IL2RB: variants seen among roughly 807,000 people sequenced by gnomAD.
IL2RB encodes interleukin 2 receptor subunit beta.
A neutral mutation model predicts 44.2 loss-of-function variants in IL2RB; 17 were observed. The observed-to-expected ratio is 0.38, with a 90% CI of 0.26 to 0.58. The LOEUF (loss-of-function observed/expected upper bound fraction) is 0.58. Among genes scored for constraint, IL2RB ranks in the 20% least tolerant of loss-of-function variants. The probability of loss-of-function intolerance (pLI) is 0.63; values close to 1 mark genes in which losing one functional copy is unlikely to be tolerated. For synonymous variants in IL2RB, 286 were observed against 297.9 expected (o/e 0.96, Z 0.41); for missense variants, 624 against 685.5 (o/e 0.91, Z 1.00).
intron 1 of IL2RB, among the ~76,000 whole-genome samples, chr22:37,170,433 G>A (rs1923241213): frequency 6.6e-6 from 1 of 151,884 alleles, no homozygotes; most frequent in African/African-American, 2.4e-5. Context: ...AGCAGCGGGG[G>A]CAGACTCTGC....
intron 1 of IL2RB, among the ~76,000 whole-genome samples, chr22:37,159,150 G>A (rs1311938321): frequency 6.6e-6 from 1 of 152,176 alleles, no homozygotes; most frequent in Non-Finnish European, 1.5e-5. Flanking sequence ...GACAATCTAG[G>A]TGTTGCTGTG....
At chr22:37,174,994 A>C (rs954048681) in exon 1 of IL2RB, 3 of 152,414 alleles carry the variant, frequency 2.0e-5, no homozygotes, top group African/African-American at 7.2e-5. Flanking sequence ...GGAAACTTAC[A>C]ATCGTGGTGG....
At chr22:37,134,185 A>C (rs980968853) in intron 8 of IL2RB, among the ~76,000 whole-genome samples, 2 of 152,250 alleles carry the variant, frequency 1.3e-5, no homozygotes, top group Non-Finnish European at 2.9e-5. Flanking sequence ...AAATTTTTAA[A>C]ATACAGCATA....
At chr22:37,138,000 T>C (rs979733184) in intron 5 of IL2RB, among the ~76,000 whole-genome samples, 14 of 152,114 alleles carry the variant, frequency 9.2e-5, no homozygotes, top group Non-Finnish European at 1.9e-4. Context: ...CTACGAAATA[T>C]ATGGTTTGGT....
intron 3 of IL2RB, 62 bp downstream of exon 3, chr22:37,143,459 A>G (rs1922063196): frequency 8.9e-7 from 1 of 1,128,460 alleles, no homozygotes; most frequent in South Asian, 1.3e-5. Flanking sequence ...AGTCCAGTGC[A>G]TAGGATCCAG....
At chr22:37,136,709 T>A (rs1334731312) in intron 6 of IL2RB, among the ~76,000 whole-genome samples, 3 of 151,932 alleles carry the variant, frequency 2.0e-5, no homozygotes, top group African/African-American at 7.3e-5. Context: ...CTGCAGCTGG[T>A]CTCTGGTTCC....
At chr22:37,169,931 C>T (rs1459525030) in intron 1 of IL2RB, among the ~76,000 whole-genome samples, 1 of 151,980 alleles carries the variant, frequency 6.6e-6, no homozygotes, top group Non-Finnish European at 1.5e-5. Flanking sequence ...GGTGCTTAGT[C>T]ATTGTGATGT....
intron 1 of IL2RB, among the ~76,000 whole-genome samples, chr22:37,146,196 G>T (rs1056066706): frequency 4.6e-5 from 7 of 152,004 alleles, no homozygotes; most frequent in African/African-American, 1.7e-4. Flanking sequence ...CCCTCACCAG[G>T]CCAGCCTCGT....
rs1921263410 is a variant in IL2RB at position 37,128,634 on chromosome 22, A to C, written c.1118T>G (p.Leu373Trp). Residue 373 changes from leucine to tryptophan, a missense_variant, in exon 10 of 10, where the codon TTG (leucine) becomes TGG (tryptophan). By Grantham distance (61) the Leu-to-Trp change is moderately conservative. Around this residue, in one of 3 missense-constraint regions of IL2RB, gnomAD observed 291 missense variants for 275.5 expected, o/e 1.06. Coordinates refer to ENST00000216223, the MANE Select transcript of IL2RB (RefSeq NM_000878.5). The surrounding 1 kb of genome is among the most constrained non-coding windows in gnomAD (Gnocchi z 4.5). ...GTACACCTGGCAGGCCTCTATCTCCAAGGCATCCGGGAGGTGGAAGAAGAA... is the reference window on the plus strand; with the variant it reads ...GTACACCTGGCAGGCCTCTATCTCCCAGGCATCCGGGAGGTGGAAGAAGAA... Reference protein sequence around the residue: ...GYFFFHLPDALEIEACQVYFT... With the variant: ...GYFFFHLPDAWEIEACQVYFT... 1 of 1,613,970 alleles carries C rather than the reference A, an allele frequency of 6.2e-7. No individual in the cohort carries two copies. Among genetic ancestry groups the C allele is most frequent in the Non-Finnish European group, 8.5e-7 (1 of 1,179,952 alleles).
At chr22:37,152,206 G>A (rs991722063), upstream of IL2RB, among the ~76,000 whole-genome samples, 1 of 152,120 alleles carries the variant, frequency 6.6e-6, no homozygotes, top group African/African-American at 2.4e-5. Flanking sequence ...CATAAACATA[G>A]AATATCTTTT....
At chr22:37,135,733 C>T (rs757358599) in intron 7 of IL2RB, among the ~76,000 whole-genome samples, 9 of 149,532 alleles carry the variant, frequency 6.0e-5, no homozygotes, top group Admixed American at 1.3e-4. Flanking sequence ...CTCCAGCTGG[C>T]TGCACCCCTC....
intron 1 of IL2RB, among the ~76,000 whole-genome samples, chr22:37,145,738 G>A (rs944765205): frequency 3.3e-5 from 5 of 151,994 alleles, no homozygotes; most frequent in African/African-American, 1.2e-4. Context: ...GAGGGGAGAG[G>A]AGCAGGTGAG....
chr22:37,128,871 T>G lies in IL2RB; in HGVS notation c.904-23A>C, dbSNP rs1171895182. The G allele has an allele frequency of 1.3e-6, 2 of 1,573,628 alleles. No homozygotes were observed. The highest frequency in any genetic ancestry group is 2.4e-5 in the South Asian group (2 of 84,742). On this transcript the variant is annotated intron_variant, in intron 9 of 9. Transcript: ENST00000216223. The surrounding 1 kb of genome is among the most constrained non-coding windows in gnomAD (Gnocchi z 4.5). ...CTTCTGGTGGGAGAAAGGCCAGGGGTGGGTGAGTGGGGGCTTCCTTCACCC... is the reference window on the plus strand; with the variant it reads ...CTTCTGGTGGGAGAAAGGCCAGGGGGGGGTGAGTGGGGGCTTCCTTCACCC...
At chr22:37,136,639 C>T (rs977186552) in intron 6 of IL2RB, among the ~76,000 whole-genome samples, 1 of 151,962 alleles carries the variant, frequency 6.6e-6, no homozygotes, top group Admixed American at 6.5e-5. Flanking sequence ...CATTCCAGAA[C>T]CATCCCCCTC....
intron 8 of IL2RB, among the ~76,000 whole-genome samples, chr22:37,134,415 G>T (rs1273069878): frequency 6.6e-6 from 1 of 152,064 alleles, no homozygotes; most frequent in Non-Finnish European, 1.5e-5. Context: ...AACCAGCTTG[G>T]CCAACATGGT....
intron 1 of IL2RB, chr22:37,166,972 T>G (rs528897756): frequency 2.0e-5 from 3 of 151,898 alleles, no homozygotes; most frequent in Non-Finnish European, 2.9e-5. Context: ...TAGGTAATGA[T>G]GCATCTGGGC....
intron 1 of IL2RB, among the ~76,000 whole-genome samples, chr22:37,174,056 G>A (rs1923372627): frequency 6.6e-6 from 1 of 152,272 alleles, no homozygotes; most frequent in South Asian, 2.1e-4. Context: ...TCTTGCCTGG[G>A]GCTCCAGCCC....
intron 9 of IL2RB, among the ~76,000 whole-genome samples, chr22:37,131,372 C>A (rs1021690764): frequency 2.0e-5 from 3 of 152,082 alleles, no homozygotes; most frequent in African/African-American, 7.2e-5. Flanking sequence ...ATCCCCACCC[C>A]CCAATCTTGG....
At chr22:37,145,543 C>T (rs552301409) in intron 1 of IL2RB, among the ~76,000 whole-genome samples, 3 of 152,150 alleles carry the variant, frequency 2.0e-5, no homozygotes, top group South Asian at 4.2e-4. Context: ...AAAGTAGCTG[C>T]CCCCACCCTC....
Sources: gnomAD v4.1 joint callset for allele counts (sites outside exome capture counted in the v4.1 genomes callset) on GRCh38, gnomAD v4.1.1 for gene constraint, gnomAD v4.1.1 regional missense constraint, Gnocchi (gnomAD v3.1) non-coding constraint, MANE v1.5 for transcripts, NCBI Gene and HGNC (gene_info 2026-07-23, HGNC 2026-07-21) for gene names.